The following AGMO variants were observed in gnomAD, a reference collection of about 807,000 sequenced individuals.
The protein encoded by AGMO is glyceryl-ether monooxygenase.
AGMO carries 75 observed loss-of-function variants against 60.2 expected under a neutral mutation model. The ratio of observed to expected loss-of-function variants is 1.25; its 90% CI spans 1.03 to 1.51. The LOEUF (loss-of-function observed/expected upper bound fraction) is 1.51, where lower values mean the gene tolerates loss of function less well. Ranked by LOEUF, AGMO falls within the 40% of genes most tolerant of loss-of-function variation. AGMO has a pLI of 0.00. For synonymous variants in AGMO, 261 were observed against 177.1 expected (o/e 1.47, Z -3.76); for missense variants, 763 against 525.5 (o/e 1.45, Z -4.42).
At chr7:15,361,958 A>T (rs1377129221) in intron 12 of AGMO, among the ~76,000 whole-genome samples, 1 of 152,190 alleles carries the variant, frequency 6.6e-6, no homozygotes, top group East Asian at 1.9e-4. Context: ...GATTTATATT[A>T]TAGGAGAAAG....
At chr7:15,495,086 G>C (rs977089598) in intron 3 of AGMO, among the ~76,000 whole-genome samples, 2 of 152,170 alleles carry the variant, frequency 1.3e-5, no homozygotes, top group Non-Finnish European at 2.9e-5. Flanking sequence ...GTTTGCTTTA[G>C]CAAATAACAC....
chr7:15,377,780 T>G (rs1783511545), intron 10 of AGMO, among the ~76,000 whole-genome samples: 1 of 152,028 alleles, frequency 6.6e-6, no homozygotes. Flanking sequence ...GGAGAACATA[T>G]TAAGTTAATA....
At chr7:15,369,921 T>A (rs934599328) in intron 10 of AGMO, among the ~76,000 whole-genome samples, 1 of 152,214 alleles carries the variant, frequency 6.6e-6, no homozygotes, top group African/African-American at 2.4e-5. Context: ...ATTCAAATTT[T>A]ATTTTAGGTT....
intron 12 of AGMO, among the ~76,000 whole-genome samples, chr7:15,247,459 C>CACACAGAGAGAGAG (rs139642069): frequency 3.6e-3 from 419 of 115,246 alleles, no homozygotes; most frequent in African/African-American, 0.014. Flanking sequence ...CACACACACA[C>CACACAGAGAGAGAG]AGAGAGAGAG....
intron 12 of AGMO, among the ~76,000 whole-genome samples, chr7:15,327,009 T>C (rs752669697): frequency 6.6e-5 from 10 of 152,210 alleles, no homozygotes; most frequent in Non-Finnish European, 1.5e-4. Flanking sequence ...TGTTCTGTTT[T>C]TGATCAATGC....
intron 12 of AGMO, among the ~76,000 whole-genome samples, chr7:15,311,827 T>C (rs1023694161): frequency 2.0e-5 from 3 of 152,146 alleles, no homozygotes; most frequent in Non-Finnish European, 4.4e-5. Context: ...ACTGGCTATA[T>C]GTAAATAAAA....
intron 12 of AGMO, among the ~76,000 whole-genome samples, chr7:15,208,677 A>G (rs1167460954): frequency 1.3e-5 from 2 of 152,198 alleles, no homozygotes; most frequent in Admixed American, 1.3e-4. Context: ...TTTTTGAAGT[A>G]TAAGATAGTT....
At chr7:15,319,505 T>C (rs1781040622) in intron 12 of AGMO, among the ~76,000 whole-genome samples, 1 of 152,188 alleles carries the variant, frequency 6.6e-6, no homozygotes, top group South Asian at 2.1e-4. Context: ...AGCTTGGTCT[T>C]GAGTCATTAT....
At chr7:15,530,670 T>C (rs139503570) in intron 3 of AGMO, among the ~76,000 whole-genome samples, 4,253 of 139,088 alleles carry the variant, frequency 0.031, 248 homozygotes, top group African/African-American at 0.11. Flanking sequence ...CGTATTTCTA[T>C]ATATATATTC....
At chr7:15,308,974 A>G (rs2128530495) in intron 12 of AGMO, among the ~76,000 whole-genome samples, 1 of 152,236 alleles carries the variant, frequency 6.6e-6, no homozygotes, top group East Asian at 1.9e-4. Flanking sequence ...CACAACTTAA[A>G]CGCTTACTAT....
chr7:15,361,286 A>C (rs1197837660), intron 12 of AGMO, among the ~76,000 whole-genome samples: 1 of 151,894 alleles, frequency 6.6e-6, no homozygotes, highest in Non-Finnish European at 1.5e-5. Flanking sequence ...TGAAAAAAAA[A>C]AAAAGATCTT....
intron 12 of AGMO, among the ~76,000 whole-genome samples, chr7:15,217,082 G>A (rs973954149): frequency 1.3e-5 from 2 of 152,044 alleles, no homozygotes; most frequent in East Asian, 1.9e-4. Context: ...AAAACGAGAA[G>A]GTGAGGAAGG....
At chr7:15,459,556 T>C (rs1329052623) in intron 3 of AGMO, among the ~76,000 whole-genome samples, 2 of 145,216 alleles carry the variant, frequency 1.4e-5, no homozygotes, top group African/African-American at 2.5e-5. Flanking sequence ...ACTTAAGGGA[T>C]TGGTAAAATT....
chr7:15,202,934 T>C (rs983086034), intron 12 of AGMO, among the ~76,000 whole-genome samples: 5 of 152,142 alleles, frequency 3.3e-5, no homozygotes, highest in Non-Finnish European at 2.9e-5. Context: ...GCTGAGAAGA[T>C]AGCTTTTCAA....
intron 10 of AGMO, among the ~76,000 whole-genome samples, chr7:15,385,172 ATTTG>A (rs1196486791): frequency 1.3e-5 from 2 of 152,212 alleles, no homozygotes; most frequent in Non-Finnish European, 2.9e-5. Context: ...TTGTTTTAAA[ATTTG>A]TTTATGGCAA....
intron 4 of AGMO, among the ~76,000 whole-genome samples, chr7:15,429,985 T>A (rs1781180497): frequency 7.4e-6 from 1 of 134,428 alleles, no homozygotes; most frequent in South Asian, 2.5e-4. Context: ...AGATCAGGGG[T>A]CCTGGAACAA....
At chr7:15,351,036 C>A (rs771705492) in intron 12 of AGMO, among the ~76,000 whole-genome samples, 2 of 152,106 alleles carry the variant, frequency 1.3e-5, no homozygotes. Context: ...AGATAGTAGG[C>A]ATTCTAAGCA....
intron 3 of AGMO, among the ~76,000 whole-genome samples, chr7:15,539,369 C>T (rs1369009217): frequency 6.6e-6 from 1 of 152,082 alleles, no homozygotes; most frequent in African/African-American, 2.4e-5. Flanking sequence ...TTGTATAGCT[C>T]CCACTTAAAA....
the AGMO span, among the ~76,000 whole-genome samples, chr7:15,122,304 A>G: frequency 6.6e-6 from 1 of 152,102 alleles, no homozygotes; most frequent in East Asian, 1.9e-4. Flanking sequence ...ATTTCTTCCC[A>G]ACCCCTTAAT....
Sources: allele counts gnomAD v4.1 joint callset (sites outside exome capture counted in the v4.1 genomes callset), GRCh38; gene constraint gnomAD v4.1.1; transcripts MANE v1.5; gene names NCBI Gene and HGNC (gene_info 2026-07-23, HGNC 2026-07-21).